Variants in DIAPH2 observed in about 807,000 individuals in gnomAD.
DIAPH2 encodes the protein protein diaphanous homolog 2.
DIAPH2 carries 35 observed loss-of-function variants against 92.7 expected under a neutral mutation model. That is an observed-to-expected ratio of 0.38 (90% CI 0.29 to 0.50). The LOEUF (loss-of-function observed/expected upper bound fraction) is 0.50, where lower values mean the gene tolerates loss of function less well. Ranked by LOEUF, DIAPH2 falls within the 20% of genes least tolerant of loss-of-function variation. The pLI is 0.94. For missense variants in DIAPH2, 701 were observed against 819.5 expected (o/e 0.86, Z 1.77); for synonymous variants, 301 against 280.4 (o/e 1.07, Z -0.73).
rs1425980995 is a variant in DIAPH2 at position 97,602,500 on chromosome X, G to A, written c.*3183G>A. On this transcript the variant is annotated 3_prime_UTR_variant, in exon 27 of 27. Transcript: ENST00000324765. ...ACAGACATTTCTGTCTCAAAAAGGA[G>A]AGAATGGAAATTGGAATGGAGTCTC... 1.8e-5 allele frequency: 2 copies of A among 112,558 alleles called. No homozygotes were observed. The highest frequency in any genetic ancestry group is 6.5e-5 in the African/African-American group (2 of 30,978). The allele number at this position is 112,558 out of a possible 1,213,427, so 9.3% of individuals were successfully genotyped here. A position where few individuals can be genotyped will look rare whatever the true frequency, so the allele number is the denominator to read the frequency against.
chrX:97,167,712 A>G (rs1398835821), intron 22 of DIAPH2, among the ~76,000 whole-genome samples: 2 of 111,785 alleles, frequency 1.8e-5, no homozygotes, highest in African/African-American at 3.3e-5. Flanking sequence ...TATCAATAGC[A>G]GAATATATAA....
At chrX:96,969,291 T>C (rs1341991499) in intron 17 of DIAPH2, among the ~76,000 whole-genome samples, 2 of 111,619 alleles carry the variant, frequency 1.8e-5, no homozygotes, top group Non-Finnish European at 3.8e-5. Flanking sequence ...TTGGTAGGAA[T>C]AGTATTGAAT....
intron 19 of DIAPH2, among the ~76,000 whole-genome samples, chrX:97,096,090 T>C (rs970573479): frequency 8.9e-6 from 1 of 112,151 alleles, no homozygotes; most frequent in African/African-American, 3.2e-5. Flanking sequence ...CTTGAAACTT[T>C]CCAGGATATT....
chrX:96,812,254 T>C (rs1156637578), intron 4 of DIAPH2, among the ~76,000 whole-genome samples: 3 of 111,702 alleles, frequency 2.7e-5, no homozygotes, highest in African/African-American at 9.8e-5. Context: ...CTTGGGAGGG[T>C]GTATGTGTTG....
chrX:97,310,246 T>TA (rs375965306), intron 23 of DIAPH2, among the ~76,000 whole-genome samples: 8 of 112,369 alleles, frequency 7.1e-5, no homozygotes, highest in African/African-American at 2.6e-4. Context: ...AAAAATTTAT[T>TA]AAGTGCCTCC....
rs186343838 is a variant in DIAPH2 at position 97,488,641 on chromosome X, G to C, written c.3241+58896G>C. On this transcript the variant is annotated intron_variant, in intron 26 of 26. Coordinates refer to ENST00000324765, the MANE Select transcript of DIAPH2 (RefSeq NM_006729.5). ...ATTTTTATATATAATGTGGGATGAA[G>C]GTCCAATTTCATTCTTTTGCATGTC... is the stretch of plus-strand genomic sequence containing the variant. 5.4e-5 allele frequency among the ~76,000 whole-genome samples: 6 copies of C among 111,420 alleles called. No individual in the cohort carries two copies. In the East Asian group the frequency reaches 1.7e-3, roughly 31 times the overall value.
intron 20 of DIAPH2, among the ~76,000 whole-genome samples, chrX:97,100,048 C>A (rs373499058): frequency 9.0e-6 from 1 of 110,724 alleles, no homozygotes; most frequent in Admixed American, 9.7e-5. Context: ...AATAACAGTG[C>A]CAATTTTTAA....
intron 1 of DIAPH2, among the ~76,000 whole-genome samples, chrX:96,728,610 C>G (rs1209667872): frequency 4.5e-5 from 5 of 111,795 alleles, no homozygotes; most frequent in African/African-American, 1.3e-4. Flanking sequence ...AAAATGGGTG[C>G]TTGATTAAGG....
chrX:97,464,198 C>T (rs1441552432), intron 26 of DIAPH2, among the ~76,000 whole-genome samples: 1 of 102,566 alleles, frequency 9.7e-6, no homozygotes, highest in East Asian at 3.2e-4. Context: ...GGGGTGGTGG[C>T]TCATGCCTGT....
At chrX:97,505,551 G>A in intron 26 of DIAPH2, among the ~76,000 whole-genome samples, 1 of 111,372 alleles carries the variant, frequency 9.0e-6, no homozygotes. Context: ...GAATCCATTT[G>A]GATGTCATGT....
intron 26 of DIAPH2, among the ~76,000 whole-genome samples, chrX:97,515,810 T>C (rs1282482596): frequency 9.0e-6 from 1 of 110,960 alleles, no homozygotes; most frequent in African/African-American, 3.3e-5. Context: ...ACCTTGCTTC[T>C]GCTATTTTAT....
chrX:96,981,053 G>A lies in DIAPH2; in HGVS notation c.2050+15846G>A, dbSNP rs752913028. 4.7e-5 allele frequency among the ~76,000 whole-genome samples: 5 copies of A among 107,168 alleles called. No homozygotes were observed. The East Asian group carries it at 1.4e-3, about 31-fold the overall frequency. The allele number at this position is 107,168 out of a possible 115,157, so 93.1% of individuals were successfully genotyped here. On this transcript the variant is annotated intron_variant, in intron 17 of 26. Transcript: ENST00000324765. ...CCAGGCATGGTGGCATGCACCTGTG[G>A]TCCCAACTACTTGGTAGACTGAGGT...
chrX:96,733,313 G>C (rs1235731354), intron 1 of DIAPH2, among the ~76,000 whole-genome samples: 1 of 111,846 alleles, frequency 8.9e-6, no homozygotes, highest in Non-Finnish European at 1.9e-5. Flanking sequence ...GATGGCCAGG[G>C]TAGGCCTCAC....
At chrX:97,026,555 G>A (rs2066336408) in intron 17 of DIAPH2, among the ~76,000 whole-genome samples, 1 of 111,721 alleles carries the variant, frequency 9.0e-6, no homozygotes, top group African/African-American at 3.3e-5. Context: ...TTTAAATAGA[G>A]GGTCAGAGGA....
intron 24 of DIAPH2, among the ~76,000 whole-genome samples, chrX:97,377,621 C>T (rs1021079788): frequency 4.5e-5 from 5 of 111,934 alleles, no homozygotes; most frequent in African/African-American, 1.6e-4. Context: ...GCATAAAGCA[C>T]TATGGTCTCT....
intron 19 of DIAPH2, among the ~76,000 whole-genome samples, chrX:97,096,213 G>A (rs1379971546): frequency 2.7e-5 from 3 of 112,214 alleles, no homozygotes; most frequent in African/African-American, 9.7e-5. Context: ...GGTAGTCTTC[G>A]ACTATTAACT....
At chrX:97,507,975 G>A (rs1438904471) in intron 26 of DIAPH2, among the ~76,000 whole-genome samples, 3 of 110,817 alleles carry the variant, frequency 2.7e-5, no homozygotes, top group Non-Finnish European at 5.7e-5. Flanking sequence ...AAGATTACGT[G>A]ACTCATTTCT....
intron 23 of DIAPH2, among the ~76,000 whole-genome samples, chrX:97,292,683 A>G (rs2068603814): frequency 9.1e-6 from 1 of 109,514 alleles, no homozygotes; most frequent in African/African-American, 3.3e-5. Flanking sequence ...AGTAGCTGGG[A>G]CTACAGGGAT....
chrX:97,352,819 A>G (rs772469670), intron 24 of DIAPH2, among the ~76,000 whole-genome samples: 5 of 102,388 alleles, frequency 4.9e-5, no homozygotes, highest in South Asian at 4.9e-4. Flanking sequence ...GCAGTGAGCC[A>G]AGATCACGCC....
Sources: allele counts gnomAD v4.1 joint callset (sites outside exome capture counted in the v4.1 genomes callset), GRCh38; gene constraint gnomAD v4.1.1; transcripts MANE v1.5; gene names NCBI Gene and HGNC (gene_info 2026-07-23, HGNC 2026-07-21).